MCC: variants seen among roughly 807,000 people sequenced by gnomAD.
MCC encodes MCC regulator of Wnt signaling pathway, also known as colorectal mutant cancer protein.
MCC carries 90 observed loss-of-function variants against 116.2 expected under a neutral mutation model. That is an observed-to-expected ratio of 0.77 (90% CI 0.65 to 0.92). MCC has a LOEUF of 0.92. MCC is among the 40% of genes least tolerant of loss of function. MCC has a pLI of 0.00. For missense variants in MCC, 1,516 were observed against 1,312.2 expected (o/e 1.16, Z -2.40); for synonymous variants, 578 against 510.5 (o/e 1.13, Z -1.78).
intron 11 of MCC, among the ~76,000 whole-genome samples, chr5:113,074,808 T>C (rs936470978): frequency 6.6e-6 from 1 of 152,158 alleles, no homozygotes; most frequent in Non-Finnish European, 1.5e-5. Context: ...ATCATATGAA[T>C]GAAATGAAGT....
chr5:113,399,308 AC>A (rs1217476889), intron 1 of MCC, among the ~76,000 whole-genome samples: 1 of 152,086 alleles, frequency 6.6e-6, no homozygotes, highest in Non-Finnish European at 1.5e-5. Context: ...ACAAGGTGAA[AC>A]CCTGTCTCTA....
chr5:113,311,244 A>G (rs950049714), intron 3 of MCC, among the ~76,000 whole-genome samples: 3 of 152,240 alleles, frequency 2.0e-5, no homozygotes, highest in Non-Finnish European at 4.4e-5. Context: ...TCCTTTGCCT[A>G]TAACTTTGTA....
At position 113,288,232 on chromosome 5, in the gene MCC, C is replaced by G. The variant is rs546568472; in HGVS notation, c.627+52287G>C. Among the ~76,000 whole-genome samples, 303 of 152,340 alleles carry G rather than the reference C, an allele frequency of 2.0e-3. 1 individual carries two copies. The highest frequency in any genetic ancestry group is 6.2e-3 in the Admixed American group (95 of 15,304). On this transcript the variant is annotated intron_variant, in intron 3 of 18. Coordinates refer to ENST00000408903, the MANE Select transcript of MCC (RefSeq NM_001085377.2). ...GGCTTTCTCCCCAAGCCTCGGCACT[C>G]TGCAGCCCCACAGTGATTTGGCCAA...
intron 1 of MCC, among the ~76,000 whole-genome samples, chr5:113,404,375 T>C (rs941736066): frequency 1.3e-5 from 2 of 152,186 alleles, no homozygotes; most frequent in Admixed American, 1.3e-4. Context: ...AAGAATACAG[T>C]GGCCAGGATT....
chr5:113,162,259 A>G (rs1760530028), intron 3 of MCC, among the ~76,000 whole-genome samples: 1 of 152,232 alleles, frequency 6.6e-6, no homozygotes, highest in South Asian at 2.1e-4. Context: ...ACATGAAAAA[A>G]CAGTTTCATG....
intron 16 of MCC, among the ~76,000 whole-genome samples, chr5:113,047,028 C>T (rs982356720): frequency 3.9e-5 from 6 of 152,226 alleles, no homozygotes; most frequent in African/African-American, 1.2e-4. Context: ...GGCACCTCTT[C>T]TCTCCCCTGG....
chr5:113,057,846 C>A (rs1561763717), intron 14 of MCC, among the ~76,000 whole-genome samples: 1 of 152,244 alleles, frequency 6.6e-6, no homozygotes, highest in Admixed American at 6.5e-5. Flanking sequence ...AACTCAAGTA[C>A]TGGCACTGTT....
chr5:113,031,222 G>C (rs1372248474), intron 17 of MCC, among the ~76,000 whole-genome samples: 3 of 152,152 alleles, frequency 2.0e-5, no homozygotes, highest in Non-Finnish European at 4.4e-5. Context: ...CCTCAGCCCA[G>C]AACTCATTTT....
chr5:113,107,038 G>T (rs907889020), intron 6 of MCC, among the ~76,000 whole-genome samples: 1 of 152,032 alleles, frequency 6.6e-6, no homozygotes, highest in Non-Finnish European at 1.5e-5. Flanking sequence ...TCTACTAAAC[G>T]TAAGTTCCAG....
At chr5:113,152,011 G>A (rs1055777182) in intron 3 of MCC, among the ~76,000 whole-genome samples, 2 of 152,052 alleles carry the variant, frequency 1.3e-5, no homozygotes, top group African/African-American at 4.8e-5. Flanking sequence ...CACTTCCCCC[G>A]AAAGGCTGTA....
chr5:113,184,474 TTTTTG>T (rs1761793491), intron 3 of MCC, among the ~76,000 whole-genome samples: 1 of 127,032 alleles, frequency 7.9e-6, no homozygotes, highest in Admixed American at 9.5e-5. Context: ...CTTTCTTCGT[TTTTTG>T]TTTTTTTTTT....
At chr5:113,107,229 T>C (rs966605586) in intron 6 of MCC, among the ~76,000 whole-genome samples, 1 of 144,658 alleles carries the variant, frequency 6.9e-6, no homozygotes, top group Non-Finnish European at 1.5e-5. Flanking sequence ...TTCTTTTTTT[T>C]TTTTTTGAGA....
chr5:113,358,812 T>A (rs1246128279), intron 2 of MCC, among the ~76,000 whole-genome samples: 1 of 152,198 alleles, frequency 6.6e-6, no homozygotes, highest in Non-Finnish European at 1.5e-5. Context: ...AATCGCTTAG[T>A]CCACAACAGA....
chr5:113,262,797 A>G (rs769004175), intron 3 of MCC, among the ~76,000 whole-genome samples: 16 of 152,114 alleles, frequency 1.1e-4, no homozygotes, highest in Non-Finnish European at 2.1e-4. Context: ...GATTAAGGAG[A>G]TCTAGAAATG....
chr5:113,379,822 GT>G, intron 2 of MCC, among the ~76,000 whole-genome samples: 1 of 152,134 alleles, frequency 6.6e-6, no homozygotes, highest in Non-Finnish European at 1.5e-5. Context: ...AGCTTTGTGA[GT>G]AAAAGTTTAT....
chr5:113,275,826 A>G (rs1581353269), intron 3 of MCC, among the ~76,000 whole-genome samples: 1 of 152,326 alleles, frequency 6.6e-6, no homozygotes, highest in East Asian at 1.9e-4. Flanking sequence ...TAACATCTAC[A>G]GATTTTGGTG....
At chr5:113,228,440 A>C (rs1763826230) in intron 3 of MCC, among the ~76,000 whole-genome samples, 1 of 152,184 alleles carries the variant, frequency 6.6e-6, no homozygotes, top group Non-Finnish European at 1.5e-5. Flanking sequence ...CCTCAATGTT[A>C]AGGTGACATT....
In MCC at chr5:113,029,261, A is replaced by G. The variant is rs555144480; in HGVS notation, c.2757-205T>C. 2.0e-5 allele frequency among the ~76,000 whole-genome samples: 3 copies of G among 151,846 alleles called. No homozygotes were observed. The South Asian group carries it at 6.2e-4, about 32-fold the overall frequency. On this transcript the variant is annotated intron_variant, in intron 17 of 18. Coordinates refer to ENST00000408903, the MANE Select transcript of MCC (RefSeq NM_001085377.2). ...ATGCAGATTTAAACCCATTTCTTCA[A>G]TGACAAGGGCTTTTTAAAGATCTTA...
At position 113,184,805 on chromosome 5, in the gene MCC, C is replaced by T. The variant is rs148806666; in HGVS notation, c.628-33383G>A. Among the ~76,000 whole-genome samples the T allele has an allele frequency of 1.5e-4, 23 of 152,300 alleles. No homozygotes were observed. The East Asian group carries it at 4.2e-3, about 28-fold the overall frequency. On this transcript the variant is annotated intron_variant, in intron 3 of 18. Transcript: ENST00000408903. ...CCACTGATGGAGGTATGTTAGAAGG[C>T]TAACAGCTTCAACTTCGCATCTCCA...
Sources: allele counts gnomAD v4.1 joint callset (sites outside exome capture counted in the v4.1 genomes callset), GRCh38; gene constraint gnomAD v4.1.1; transcripts MANE v1.5; gene names NCBI Gene and HGNC (gene_info 2026-07-23, HGNC 2026-07-21).